The following IL16 variants were observed in gnomAD, a reference collection of about 807,000 sequenced individuals.
The protein encoded by IL16 is interleukin 16, also known as pro-interleukin-16.
In IL16, 67 loss-of-function variants were observed where a neutral mutation model predicts 110.1. That is an observed-to-expected ratio of 0.61 (90% confidence interval 0.50 to 0.75). IL16 has a LOEUF of 0.75. Ranked by LOEUF, IL16 falls within the 30% of genes least tolerant of loss-of-function variation. The pLI, the probability that IL16 is intolerant of heterozygous loss-of-function variation, is 0.00. For synonymous variants in IL16, 689 were observed against 662.9 expected, an observed-to-expected ratio of 1.04 and a Z score of -0.61; for missense variants, 1,545 against 1,655.0, an observed-to-expected ratio of 0.93 and a Z score of 1.15.
chr15:81,284,601 A>C (rs1899354688), intron 9 of IL16, among the ~76,000 whole-genome samples: 2 of 152,186 alleles, frequency 1.3e-5, no homozygotes, highest in African/African-American at 4.8e-5. Flanking sequence ...AGTAAAAAGG[A>C]AGCAAGGGTG....
chr15:81,183,894 G>A (rs1455835742), intron 1 of IL16, among the ~76,000 whole-genome samples: 2 of 152,134 alleles, frequency 1.3e-5, no homozygotes, highest in African/African-American at 2.4e-5. Context: ...CTCAGAGGAC[G>A]GCAGAAACAA....
At chr15:81,278,960 C>A in intron 7 of IL16, 70 bp downstream of exon 7, 1 of 1,013,184 alleles carries the variant, frequency 9.9e-7, no homozygotes, top group Non-Finnish European at 1.6e-6. Context: ...CTCTCAGCAT[C>A]CAAACCTACA....
chr15:81,206,857 G>C (rs1896035078), intron 1 of IL16, among the ~76,000 whole-genome samples: 1 of 130,438 alleles, frequency 7.7e-6, no homozygotes, highest in Non-Finnish European at 1.6e-5. Context: ...AGAATTTCGG[G>C]CTTTAAATAA....
chr15:81,210,648 A>G (rs540302502), intron 1 of IL16, among the ~76,000 whole-genome samples: 16 of 152,232 alleles, frequency 1.1e-4, no homozygotes, highest in African/African-American at 3.6e-4. Flanking sequence ...CTCAGCCTGG[A>G]CATTATTGGT....
chr15:81,260,803 C>T (rs1898122364), intron 3 of IL16, among the ~76,000 whole-genome samples: 1 of 152,154 alleles, frequency 6.6e-6, no homozygotes, highest in African/African-American at 2.4e-5. Context: ...TATGATGCAC[C>T]ATCCTTAGTG....
At chr15:81,255,082 G>A (rs1897899429) in intron 2 of IL16, among the ~76,000 whole-genome samples, 1 of 152,220 alleles carries the variant, frequency 6.6e-6, no homozygotes, top group Admixed American at 6.5e-5. Flanking sequence ...TTCTGATGAA[G>A]AAACTGTTTA....
chr15:81,263,597 C>T (rs1307896678), intron 3 of IL16, among the ~76,000 whole-genome samples: 2 of 152,178 alleles, frequency 1.3e-5, no homozygotes, highest in Non-Finnish European at 2.9e-5. Context: ...GTCTGCGTCC[C>T]CACAGATCTG....
intron 2 of IL16, among the ~76,000 whole-genome samples, chr15:81,229,542 T>G (rs1896902366): frequency 1.3e-5 from 2 of 152,114 alleles, no homozygotes; most frequent in Admixed American, 1.3e-4. Context: ...TTGTTCTTTT[T>G]TTTAAGGAGT....
intron 2 of IL16, among the ~76,000 whole-genome samples, chr15:81,237,359 T>C (rs1233673172): frequency 6.6e-6 from 1 of 152,310 alleles, no homozygotes; most frequent in East Asian, 1.9e-4. Context: ...AATTTGTGTT[T>C]CCACCCCCAG....
intron 1 of IL16, among the ~76,000 whole-genome samples, chr15:81,205,902 A>G (rs1895999459): frequency 1.3e-5 from 2 of 152,090 alleles, no homozygotes; most frequent in South Asian, 2.1e-4. Context: ...TGAGGCAACT[A>G]TTAAATAGAT....
intron 2 of IL16, among the ~76,000 whole-genome samples, chr15:81,247,076 C>CTTTTTTTTTTTTTTTTTTTTTTT (rs57484982): frequency 1.1e-5 from 1 of 92,638 alleles, no homozygotes; most frequent in Non-Finnish European, 2.1e-5. Context: ...TTTTCTTTTC[C>CTTTTTTTTTTTTTTTTTTTTTTT]TTTTTTTTTT....
At chr15:81,283,366 A>G (rs1446300070) in intron 9 of IL16, among the ~76,000 whole-genome samples, 1 of 145,996 alleles carries the variant, frequency 6.8e-6, no homozygotes, top group Non-Finnish European at 1.5e-5. Flanking sequence ...AACCCCAAAA[A>G]CCAAACAAAC....
At chr15:81,219,107 T>C (rs1896531901) in intron 1 of IL16, among the ~76,000 whole-genome samples, 1 of 152,186 alleles carries the variant, frequency 6.6e-6, no homozygotes, top group Non-Finnish European at 1.5e-5. Context: ...CAGAGCAAGG[T>C]CAATTTCAGA....
In IL16 at chr15:81,202,674, A is replaced by G. The variant is rs1448696204; in HGVS notation, c.-102+5522A>G. On this transcript the variant is annotated intron_variant, in intron 1 of 18. Coordinates refer to ENST00000683961, the MANE Select transcript of IL16 (RefSeq NM_172217.5). ...TGAACTCATCATTTTTTATGGCTGCATAGTATTCCATGGTGTATATGTGCC... is the reference window on the plus strand; with the variant it reads ...TGAACTCATCATTTTTTATGGCTGCGTAGTATTCCATGGTGTATATGTGCC... 4.6e-5 allele frequency among the ~76,000 whole-genome samples: 7 copies of G among 152,264 alleles called. No individual in the cohort carries two copies. In the South Asian group the frequency reaches 1.0e-3, roughly 23 times the overall value.
At chr15:81,217,497 TTAAAC>T (rs1224534358) in intron 1 of IL16, among the ~76,000 whole-genome samples, 2 of 152,218 alleles carry the variant, frequency 1.3e-5, no homozygotes, top group African/African-American at 4.8e-5. Flanking sequence ...TAGGTGTACT[TTAAAC>T]TATTAAACTA....
chr15:81,188,376 G>A (rs1285164371), intron 1 of IL16: 6 of 456,208 alleles, frequency 1.3e-5, no homozygotes, highest in East Asian at 6.9e-5. Flanking sequence ...CACTGCGGGC[G>A]AGATGGAGCT....
intron 6 of IL16, among the ~76,000 whole-genome samples, chr15:81,276,867 A>G (rs555588756): frequency 1.0e-3 from 159 of 152,334 alleles, no homozygotes; most frequent in African/African-American, 3.6e-3. Flanking sequence ...TACATCAGGA[A>G]ATGTCCACTG....
chr15:81,194,298 A>G (rs1895545228), upstream of IL16, among the ~76,000 whole-genome samples: 2 of 152,306 alleles, frequency 1.3e-5, no homozygotes, highest in South Asian at 4.1e-4. Flanking sequence ...TGAACAGAAT[A>G]GGAGATGACC....
In IL16 at chr15:81,225,850, G is replaced by T. The variant is rs1018437435; in HGVS notation, c.312+139G>T. The T allele has an allele frequency of 2.4e-5, 18 of 764,480 alleles. No individual in the cohort carries two copies. In the Admixed American group the frequency reaches 2.6e-4, roughly 11 times the overall value. 47.4% of individuals were successfully genotyped at this position (764,480 alleles called of 1,614,324 possible). A position where few individuals can be genotyped will look rare whatever the true frequency, so the allele number is the denominator to read the frequency against. Reference sequence around the variant, plus strand: ...GAAAGAGAGCAAGAAAAAAGTTGAGGCAGGGCCCACTGGAACTGTAACAAT... The same window carrying T: ...GAAAGAGAGCAAGAAAAAAGTTGAGTCAGGGCCCACTGGAACTGTAACAAT... On this transcript the variant is annotated intron_variant, in intron 2 of 18. Transcript: ENST00000683961.
Sources: gnomAD v4.1 joint callset for allele counts (sites outside exome capture counted in the v4.1 genomes callset) on GRCh38, gnomAD v4.1.1 for gene constraint, MANE v1.5 for transcripts, NCBI Gene and HGNC (gene_info 2026-07-23, HGNC 2026-07-21) for gene names.